PRKRA: variants seen among roughly 807,000 people sequenced by gnomAD.
The protein encoded by PRKRA is protein activator of interferon induced protein kinase EIF2AK2.
A neutral mutation model predicts 32.4 loss-of-function variants in PRKRA; 22 were observed. The observed-to-expected ratio is 0.68, with a 90% confidence interval of 0.49 to 0.97. The LOEUF is 0.97. Among genes scored for constraint, PRKRA ranks in the 50% least tolerant of loss-of-function variants. PRKRA has a pLI of 0.00. For missense variants in PRKRA, 319 were observed against 375.6 expected, an observed-to-expected ratio of 0.85 and a Z score of 1.25; for synonymous variants, 139 against 129.8, an observed-to-expected ratio of 1.07 and a Z score of -0.48.
intron 3 of PRKRA, 144 bp from the exon 4 acceptor site, chr2:178,444,644 A>T: frequency 1.4e-6 from 1 of 702,494 alleles, no homozygotes; most frequent in Non-Finnish European, 2.5e-6. Flanking sequence ...GACCTCTTCT[A>T]TGGGAATCTG....
intron 1 of PRKRA, 149 bp from the exon 2 acceptor site, chr2:178,450,560 A>T: frequency 6.5e-7 from 1 of 1,529,140 alleles, no homozygotes. Context: ...GCTGGGGCGC[A>T]CCTGTCTTCC....
At chr2:178,439,222 A>G (rs745678985) in intron 6 of PRKRA, 7 of 152,068 alleles carry the variant, frequency 4.6e-5, no homozygotes, top group Admixed American at 2.0e-4. Flanking sequence ...AGGATTTTCT[A>G]TTTTTCTATA....
At chr2:178,447,106 G>T (rs1169127050) in intron 3 of PRKRA, among the ~76,000 whole-genome samples, 1 of 150,810 alleles carries the variant, frequency 6.6e-6, no homozygotes, top group Non-Finnish European at 1.5e-5. Flanking sequence ...GAAAACCTCT[G>T]CCTGCTTCTT....
chr2:178,450,920 C>T, intron 1 of PRKRA, 46 bp downstream of exon 1: 1 of 1,518,340 alleles, frequency 6.6e-7, no homozygotes, highest in Non-Finnish European at 8.8e-7. Context: ...CCGGCCCTGC[C>T]GCCCAACGCT....
At chr2:178,450,442 A>C in intron 1 of PRKRA, 31 bp from the exon 2 acceptor site, 2 of 1,026,194 alleles carry the variant, frequency 1.9e-6, no homozygotes, top group Non-Finnish European at 2.6e-6. Flanking sequence ...TGTGCTTTGC[A>C]TGCCAAATTG....
intron 2 of PRKRA, among the ~76,000 whole-genome samples, chr2:178,448,523 C>T (rs193300959): frequency 2.6e-5 from 4 of 152,110 alleles, no homozygotes; most frequent in East Asian, 1.9e-4. Context: ...CAGGCTGTAG[C>T]GGAGGTTGCA....
chr2:178,436,672 A>C (rs925508321), intron 6 of PRKRA, among the ~76,000 whole-genome samples: 2 of 152,168 alleles, frequency 1.3e-5, no homozygotes, highest in Non-Finnish European at 2.9e-5. Flanking sequence ...CTAATGGAGC[A>C]ATTTGCAGAT....
chr2:178,436,854 A>C (rs997506623), intron 6 of PRKRA, among the ~76,000 whole-genome samples: 1 of 152,154 alleles, frequency 6.6e-6, no homozygotes, highest in East Asian at 1.9e-4. Flanking sequence ...GGATGTCAAA[A>C]AGTTCTTATC....
At chr2:178,443,477 T>C (rs966292881) in intron 4 of PRKRA, 93 bp from the exon 5 acceptor site, 3 of 887,556 alleles carry the variant, frequency 3.4e-6, no homozygotes, top group South Asian at 1.3e-5. Flanking sequence ...TCTATGTATA[T>C]GTTTGAAAAG....
Position 178,431,828 on chromosome 2 carries a change from T to C in PRKRA, c.*269A>G, listed in dbSNP as rs1696662707. 7 of 479,184 alleles carry C rather than the reference T, an allele frequency of 1.5e-5. No individual in the cohort carries two copies. The highest frequency in any genetic ancestry group is 6.7e-5 in the Admixed American group (2 of 29,812). 29.7% of individuals were successfully genotyped at this position (479,184 alleles called of 1,614,324 possible). On this transcript the variant is annotated 3_prime_UTR_variant, in exon 8 of 8. Transcript: ENST00000325748. The stretch of plus-strand genomic sequence containing the variant: ...TCATCAACAACAAACATGCAGTTTC[T>C]TTCTCTGATGTGCATGGCACTGTAA...
intron 2 of PRKRA, among the ~76,000 whole-genome samples, chr2:178,449,416 T>C (rs1359848220): frequency 6.6e-6 from 1 of 152,240 alleles, no homozygotes; most frequent in Admixed American, 6.5e-5. Flanking sequence ...TTCCAGATGG[T>C]AGAACTTGAG....
At chr2:178,433,548 T>C (rs1460765020) in intron 7 of PRKRA, 2 of 152,260 alleles carry the variant, frequency 1.3e-5, no homozygotes, top group Non-Finnish European at 2.9e-5. Flanking sequence ...GCCATCCTAG[T>C]GGATTTGAAG....
Position 178,436,229 on chromosome 2 carries a change from G to T in PRKRA, c.700C>A (p.Leu234Ile). The change falls in exon 7 of 8, where the codon CTT (leucine) becomes ATT (isoleucine). Residue 234 changes from leucine (L) to isoleucine (I), a missense_variant. By Grantham distance (5) the Leu-to-Ile change is conservative (BLOSUM62 2). Coordinates refer to ENST00000325748, the MANE Select transcript of PRKRA (RefSeq NM_003690.5). ...ATGTAATCTGTATTTGGAATACTAA[G>T]GAGGCTTCTTTTCAGTAAGTTGATC... ...EKINLLKRSL[L>I]SIPNTDYIQL... 6.2e-7 allele frequency: 1 copy of T among 1,613,066 alleles called. No homozygotes were observed.
At position 178,431,980 on chromosome 2, in the gene PRKRA, A is replaced by C. The variant is rs1476727302; in HGVS notation, c.*117T>G. 8.2e-7 allele frequency: 1 copy of C among 1,217,318 alleles called. No homozygotes were observed. Among genetic ancestry groups the C allele is most frequent in the Non-Finnish European group, 1.2e-6 (1 of 849,260 alleles). 75.4% of individuals were successfully genotyped at this position (1,217,318 alleles called of 1,614,324 possible). A position where few individuals can be genotyped will look rare whatever the true frequency, so the allele number is the denominator to read the frequency against. Reference sequence around the variant, plus strand: ...ATAATTAAATCTGGAGTGTTGATGGAATCTATGAAGAGATTTAGAAACAAG... The same window carrying C: ...ATAATTAAATCTGGAGTGTTGATGGCATCTATGAAGAGATTTAGAAACAAG... On this transcript the variant is annotated 3_prime_UTR_variant, in exon 8 of 8. Coordinates refer to ENST00000325748, the MANE Select transcript of PRKRA (RefSeq NM_003690.5).
At chr2:178,441,736 A>G (rs1349218302) in intron 5 of PRKRA, 32 bp from the exon 6 acceptor site, 2 of 738,336 alleles carry the variant, frequency 2.7e-6, no homozygotes, top group African/African-American at 2.0e-5. Flanking sequence ...GTAGATTTAG[A>G]AAAGAAATTA....
chr2:178,443,356 A>C lies in PRKRA; in HGVS notation c.425T>G (p.Leu142Arg). The C allele has an allele frequency of 6.2e-7, 1 of 1,612,712 alleles. No homozygotes were observed. Among genetic ancestry groups the C allele is most frequent in the Non-Finnish European group, 8.5e-7 (1 of 1,178,774 alleles). ...QELAIHHGWRLPEYTLSQEGG... is the reference protein window; with the variant it reads ...QELAIHHGWRRPEYTLSQEGG... ...CTCCTGGGAAAGGGTATATTCAGGA[A>C]GTCTCCAGCCATGATGAATAGCCAA... The change falls in exon 5 of 8, where the codon CTT (leucine) becomes CGT (arginine). Residue 142 changes from leucine to arginine, a missense_variant. Coordinates refer to ENST00000325748, the MANE Select transcript of PRKRA (RefSeq NM_003690.5).
chr2:178,441,350 C>T (rs1331510730), intron 6 of PRKRA, among the ~76,000 whole-genome samples: 1 of 152,162 alleles, frequency 6.6e-6, no homozygotes, highest in Non-Finnish European at 1.5e-5. Flanking sequence ...GCAAAAATGG[C>T]ACTACTGGCC....
chr2:178,433,475 T>C (rs896500902), intron 7 of PRKRA: 3 of 152,194 alleles, frequency 2.0e-5, no homozygotes, highest in Non-Finnish European at 4.4e-5. Flanking sequence ...ACCAGCAACG[T>C]GTAAGGTTCC....
chr2:178,449,863 C>T (rs572473337), intron 2 of PRKRA, among the ~76,000 whole-genome samples: 3 of 152,318 alleles, frequency 2.0e-5, no homozygotes, highest in East Asian at 3.9e-4. Flanking sequence ...GTCATGCCTC[C>T]TGGCATCCGC....
Sources: allele counts gnomAD v4.1 joint callset (sites outside exome capture counted in the v4.1 genomes callset), GRCh38; gene constraint gnomAD v4.1.1; transcripts MANE v1.5; gene names NCBI Gene and HGNC (gene_info 2026-07-23, HGNC 2026-07-21).